MACF1: variants seen among roughly 807,000 people sequenced by gnomAD.
MACF1 encodes microtubule-actin cross-linking factor 1.
A neutral mutation model predicts 854.8 loss-of-function variants in MACF1; 193 were observed. The ratio of observed to expected loss-of-function variants is 0.23; its 90% CI spans 0.20 to 0.25. The LOEUF is 0.25. MACF1 is among the 10% of genes least tolerant of loss of function. The pLI is 1.00. For synonymous variants in MACF1, 3,185 were observed against 3,226.7 expected (o/e 0.99, Z 0.44); for missense variants, 7,722 against 8,929.1 (o/e 0.86, Z 5.45).
rs1239334195 is a variant in MACF1 at position 39,257,755 on chromosome 1, TTG to T, written c.436-180_436-179del. On this transcript the variant is annotated intron_variant, in intron 5 of 100. Coordinates refer to ENST00000564288, the MANE Select transcript of MACF1 (RefSeq NM_001394062.1). ...GAGGGGGCCAGCACAAGGGACCTTT[TTG>T]GGGTGATGAAACTGTTTTGTGGTGG... 4 of 554,420 alleles carry T rather than the reference TTG, an allele frequency of 7.2e-6. No homozygotes were observed. In the East Asian group the frequency reaches 1.3e-4, roughly 18 times the overall value. The allele number at this position is 554,420 out of a possible 1,614,324, so 34.3% of individuals were successfully genotyped here.
intron 49 of MACF1, among the ~76,000 whole-genome samples, chr1:39,363,109 G>A (rs764301063): frequency 1.3e-5 from 2 of 152,074 alleles, no homozygotes; most frequent in Non-Finnish European, 2.9e-5. Flanking sequence ...ACTATGTACT[G>A]TGTTCAAAAA....
rs755623646 is a variant in MACF1, at chr1:39,442,371, AT to A, written c.18949-38del. 6 of 1,606,310 alleles carry A rather than the reference AT, an allele frequency of 3.7e-6. No homozygotes were observed. In the South Asian group the frequency reaches 6.7e-5, roughly 18 times the overall value. ...GTGAACTACTCTCCGCTCTTTTCTA[AT>A]TTCGTATTGAATATTCCCTTTCTGT... is the stretch of plus-strand genomic sequence containing the variant. On this transcript the variant is annotated intron_variant, in intron 76 of 100. Transcript: ENST00000564288.
intron 23 of MACF1, chr1:39,304,592 CTTGCTCTGT>C: frequency 1.4e-6 from 1 of 714,502 alleles, no homozygotes; most frequent in African/African-American, 1.8e-5. Context: ...GAGACAGAGC[CTTGCTCTGT>C]CGCTCAGGCT....
chr1:39,218,753 T>G (rs1644609927), intron 1 of MACF1, among the ~76,000 whole-genome samples: 1 of 151,192 alleles, frequency 6.6e-6, no homozygotes. Flanking sequence ...TATTAGGTTT[T>G]CCTAAGAAAT....
In MACF1 at chr1:39,150,221, T is replaced by C. The variant is rs183420254; in HGVS notation, c.220+65783T>C. 7.4e-4 allele frequency among the ~76,000 whole-genome samples: 113 copies of C among 152,302 alleles called. 1 individual carries two copies. The highest frequency in any genetic ancestry group is 2.7e-3 in the African/African-American group (112 of 41,558). ...TTTTACTAGAGATGGGGTTTTGCCA[T>C]GTGCTCAGGCTGGTCTCAAATTCCT... On this transcript the variant is annotated intron_variant, in intron 2 of 93. Coordinates refer to the MACF1 transcript ENST00000361689.
chr1:39,485,762 G>T lies in MACF1; in HGVS notation c.22636G>T (p.Ala7546Ser). The T allele has an allele frequency of 6.2e-7, 1 of 1,610,666 alleles. No individual in the cohort carries two copies. Among genetic ancestry groups the T allele is most frequent in the East Asian group, 2.2e-5 (1 of 44,780 alleles). The change falls in exon 101 of 101, where the codon GCC (alanine) becomes TCC (serine). Residue 7546 changes from alanine to serine, a missense_variant. Physicochemically the swap from Ala to Ser is moderately conservative, Grantham distance 99. Coordinates refer to ENST00000564288, the MANE Select transcript of MACF1 (RefSeq NM_001394062.1). ...IPTMSKKTTT[A>S]SPRTPGPKR ...AACCATGTCTAAGAAGACCACCACT[G>T]CCTCCCCCAGGACTCCAGGTCCCAA...
At chr1:39,126,806 AAAAC>A (rs886978972) in intron 2 of MACF1, among the ~76,000 whole-genome samples, 6 of 152,128 alleles carry the variant, frequency 3.9e-5, no homozygotes, top group Admixed American at 1.3e-4. Context: ...AACCACACAA[AAAAC>A]AAACAAAAAA....
intron 31 of MACF1, 59 bp from the exon 32 acceptor site, chr1:39,322,549 C>A: frequency 7.3e-7 from 1 of 1,363,444 alleles, no homozygotes; most frequent in Non-Finnish European, 1.1e-6. Context: ...TGATTTATTA[C>A]ATGATGTATG....
At chr1:39,428,383 A>G (rs569888336) in intron 63 of MACF1, 96 bp downstream of exon 63, 3 of 1,202,744 alleles carry the variant, frequency 2.5e-6, no homozygotes, top group African/African-American at 3.1e-5. Context: ...TTCATTACAA[A>G]CACTTCAACT....
At chr1:39,452,642 G>C (rs766539162) in intron 86 of MACF1, 42 bp from the exon 87 acceptor site, 1 of 1,611,044 alleles carries the variant, frequency 6.2e-7, no homozygotes, top group South Asian at 1.1e-5. Flanking sequence ...TAGGTCCTTG[G>C]CTGCAGAGAG....
chr1:39,364,728 G>A (rs745587901), intron 49 of MACF1, among the ~76,000 whole-genome samples: 26 of 152,028 alleles, frequency 1.7e-4, no homozygotes, highest in Admixed American at 5.9e-4. Flanking sequence ...TCCTGACCTC[G>A]TGATCCGCCC....
rs531461154 is a variant in MACF1 at position 39,155,521 on chromosome 1, G to T, written c.220+71083G>T. 1.6e-3 allele frequency among the ~76,000 whole-genome samples: 251 copies of T among 152,280 alleles called. 1 individual carries two copies. Among genetic ancestry groups the T allele is most frequent in the African/African-American group, 5.8e-3 (243 of 41,556 alleles). On this transcript the variant is annotated intron_variant, in intron 2 of 93. Coordinates refer to the MACF1 transcript ENST00000361689. ...ACTTAAATTCAGATTGTACTATGCT[G>T]ATTGCTTTCAGATCATGACACAGAA...
intron 58 of MACF1, among the ~76,000 whole-genome samples, chr1:39,420,308 C>T (rs1643485007): frequency 6.6e-6 from 1 of 152,178 alleles, no homozygotes; most frequent in Non-Finnish European, 1.5e-5. Flanking sequence ...CTTTTCATTC[C>T]TTCACCTTCA....
chr1:39,272,066 G>GTA (rs1165842443), intron 6 of MACF1, among the ~76,000 whole-genome samples: 1 of 152,166 alleles, frequency 6.6e-6, no homozygotes, highest in African/African-American at 2.4e-5. Context: ...TACTACTTAT[G>GTA]TATAGCCAAG....
intron 2 of MACF1, among the ~76,000 whole-genome samples, chr1:39,104,958 G>A (rs566872268): frequency 6.6e-6 from 1 of 152,300 alleles, no homozygotes; most frequent in African/African-American, 2.4e-5. Context: ...GCCCCGCTGG[G>A]TTTCTCTCCA....
rs930285569 is a variant in MACF1, at chr1:39,310,549, C to T, written c.3100+121C>T. On this transcript the variant is annotated intron_variant, in intron 25 of 100. Transcript: ENST00000564288. The stretch of plus-strand genomic sequence containing the variant: ...CCACTTTTTTCCATTTGAGTAGCTA[C>T]GAACTTGAGATAGAGAAGAACTTAT... The T allele has an allele frequency of 3.4e-5, 37 of 1,079,540 alleles. No individual in the cohort carries two copies. In the South Asian group the frequency reaches 4.5e-4, roughly 13 times the overall value. 66.9% of individuals were successfully genotyped at this position (1,079,540 alleles called of 1,614,324 possible).
intron 80 of MACF1, 76 bp from the exon 81 acceptor site, chr1:39,447,356 C>G (rs994168019): frequency 5.8e-6 from 8 of 1,368,614 alleles, no homozygotes; most frequent in Non-Finnish European, 8.2e-6. Flanking sequence ...ACAATTCATG[C>G]CTTTGTCGCT....
intron 89 of MACF1, among the ~76,000 whole-genome samples, chr1:39,456,086 C>T (rs1644432067): frequency 6.6e-6 from 1 of 152,182 alleles, no homozygotes; most frequent in Admixed American, 6.5e-5. Flanking sequence ...GTAATCCCAG[C>T]ACTTTGGGAG....
chr1:39,236,400 C>T (rs1469847372), intron 2 of MACF1, among the ~76,000 whole-genome samples: 1 of 152,186 alleles, frequency 6.6e-6, no homozygotes, highest in African/African-American at 2.4e-5. Context: ...ATATCTTTCC[C>T]AAGTTTGTTC....
Sources: allele counts gnomAD v4.1 joint callset (sites outside exome capture counted in the v4.1 genomes callset), GRCh38; gene constraint gnomAD v4.1.1; transcripts MANE v1.5; gene names NCBI Gene and HGNC (gene_info 2026-07-23, HGNC 2026-07-21).